The following THOC7 variants were observed in gnomAD, a reference collection of about 807,000 sequenced individuals.
THOC7 encodes NIF3L1-binding protein 1.
In THOC7, 22 loss-of-function variants were observed where a neutral mutation model predicts 33.1. That is an observed-to-expected ratio of 0.66 (90% confidence interval 0.47 to 0.95). The LOEUF (loss-of-function observed/expected upper bound fraction) is 0.95. Among genes scored for constraint, THOC7 ranks in the 40% least tolerant of loss-of-function variants. The pLI is 0.00. For missense variants in THOC7, 184 were observed against 245.3 expected (o/e 0.75, Z 1.67); for synonymous variants, 77 against 76.8 (o/e 1.00, Z -0.01).
chr3:63,843,902 G>GA lies in THOC7; in HGVS notation c.20-4130dup, dbSNP rs921375070. Among the ~76,000 whole-genome samples, 892 of 138,054 alleles carry GA rather than the reference G, an allele frequency of 6.5e-3. 5 individuals are homozygous for GA. The highest frequency in any genetic ancestry group is 0.019 in the African/African-American group (738 of 37,896). The allele number at this position is 138,054 out of a possible 152,430, so 90.6% of individuals were successfully genotyped here. A position where few individuals can be genotyped will look rare whatever the true frequency, so the allele number is the denominator to read the frequency against. On this transcript the variant is annotated intron_variant, in intron 1 of 7. Transcript: ENST00000295899. ...GGCGACAGAGTGAGACTCCGTCTCA[G>GA]AAAAAAAAAAACAAAACTGTGGATG...
intron 1 of THOC7, among the ~76,000 whole-genome samples, chr3:63,858,193 A>G (rs2107165507): frequency 1.3e-5 from 2 of 152,318 alleles, no homozygotes. Flanking sequence ...TGGTTTACAC[A>G]ATAAATTAAA....
At chr3:63,836,162 G>T in intron 5 of THOC7, 139 bp downstream of exon 5, 1 of 705,744 alleles carries the variant, frequency 1.4e-6, no homozygotes, top group Non-Finnish European at 2.2e-6. Flanking sequence ...TAACAGAGAA[G>T]TATGGGAAAA....
At chr3:63,857,650 T>C (rs1008650245) in intron 1 of THOC7, among the ~76,000 whole-genome samples, 12 of 152,058 alleles carry the variant, frequency 7.9e-5, no homozygotes, top group African/African-American at 2.7e-4. Context: ...ACATAAAAGG[T>C]GGGTGGAAGG....
At chr3:63,855,062 G>C (rs1036462898) in intron 1 of THOC7, among the ~76,000 whole-genome samples, 2 of 151,870 alleles carry the variant, frequency 1.3e-5, no homozygotes. Flanking sequence ...GTATTAATTA[G>C]TGAGTAATAT....
chr3:63,853,157 GAA>G (rs1195911287), intron 1 of THOC7, among the ~76,000 whole-genome samples: 2 of 73,540 alleles, frequency 2.7e-5, no homozygotes, highest in African/African-American at 5.1e-5. Context: ...TCTCAAAAAA[GAA>G]AAAAAAAAAA....
intron 1 of THOC7, chr3:63,845,031 A>C (rs1229933747): frequency 1.4e-6 from 1 of 699,378 alleles, no homozygotes; most frequent in Non-Finnish European, 2.6e-6. Context: ...AGATGACCAC[A>C]AAAGGACCTG....
At chr3:63,863,330 C>T (rs1702277902) in intron 1 of THOC7, 2 of 593,036 alleles carry the variant, frequency 3.4e-6, no homozygotes, top group Non-Finnish European at 4.3e-6. Flanking sequence ...CACAAACCTT[C>T]CAGGCCCCCA....
At chr3:63,848,330 T>C (rs1701947042) in intron 1 of THOC7, 2 of 152,146 alleles carry the variant, frequency 1.3e-5, no homozygotes, top group African/African-American at 4.8e-5. Flanking sequence ...CAACCCCTTA[T>C]TTCAACCCAG....
At chr3:63,845,024 T>C (rs1701857250) in intron 1 of THOC7, 2 of 698,462 alleles carry the variant, frequency 2.9e-6, no homozygotes. Context: ...TCTTGACAGA[T>C]GACCACAAAA....
At chr3:63,836,443 C>A (rs1701636882) in intron 4 of THOC7, 85 bp from the exon 5 acceptor site, 4 of 1,252,606 alleles carry the variant, frequency 3.2e-6, no homozygotes, top group South Asian at 1.3e-5. Flanking sequence ...ACAAACCTCT[C>A]CTAATCACTT....
chr3:63,850,385 G>C (rs897245463), intron 1 of THOC7, among the ~76,000 whole-genome samples: 9 of 151,076 alleles, frequency 6.0e-5, no homozygotes, highest in Non-Finnish European at 1.3e-4. Context: ...ATTTTTAGGA[G>C]AGTCAGGGTT....
chr3:63,861,417 T>C (rs1225557476), intron 1 of THOC7: 1 of 152,246 alleles, frequency 6.6e-6, no homozygotes, highest in African/African-American at 2.4e-5. Flanking sequence ...ATCCATTCAA[T>C]ACCTGAAGTC....
intron 1 of THOC7, among the ~76,000 whole-genome samples, chr3:63,843,949 GTA>G (rs1334487568): frequency 1.3e-5 from 2 of 151,868 alleles, no homozygotes; most frequent in African/African-American, 4.8e-5. Flanking sequence ...ATATATGTGT[GTA>G]TGTGTTACAC....
chr3:63,864,163 G>A (rs1702329285), upstream of THOC7, among the ~76,000 whole-genome samples: 2 of 150,366 alleles, frequency 1.3e-5, no homozygotes, highest in African/African-American at 2.4e-5. Context: ...CGCCAGGTGA[G>A]CTCGCCCGGA....
At chr3:63,835,275 TAGAC>T (rs1559601633) in intron 6 of THOC7, 45 bp downstream of exon 6, 4 of 1,612,352 alleles carry the variant, frequency 2.5e-6, no homozygotes, top group East Asian at 2.2e-5. Context: ...TATAGATATA[TAGAC>T]AGACAGATAG....
intron 1 of THOC7, among the ~76,000 whole-genome samples, chr3:63,853,019 C>T (rs1421898229): frequency 6.6e-6 from 1 of 152,028 alleles, no homozygotes; most frequent in Non-Finnish European, 1.5e-5. Context: ...GGCGTGGTGG[C>T]ACGCACCTGT....
chr3:63,835,010 A>G, intron 7 of THOC7, 144 bp downstream of exon 7: 1 of 721,310 alleles, frequency 1.4e-6, no homozygotes, highest in Non-Finnish European at 2.2e-6. Context: ...AAAGTTGAAC[A>G]TGAGTACCTT....
intron 1 of THOC7, chr3:63,863,547 C>G (rs1370316077): frequency 1.7e-6 from 2 of 1,194,898 alleles, no homozygotes; most frequent in African/African-American, 3.2e-5. Context: ...CGGGGAAAGC[C>G]GAGGGTCTCC....
chr3:63,862,041 T>A (rs1702233448), intron 1 of THOC7, among the ~76,000 whole-genome samples: 1 of 152,160 alleles, frequency 6.6e-6, no homozygotes, highest in African/African-American at 2.4e-5. Flanking sequence ...TCCGCCTGCC[T>A]TGGCCTCCCA....
Sources: allele counts gnomAD v4.1 joint callset (sites outside exome capture counted in the v4.1 genomes callset), GRCh38; gene constraint gnomAD v4.1.1; transcripts MANE v1.5; gene names NCBI Gene and HGNC (gene_info 2026-07-23, HGNC 2026-07-21).